GSE1: variants seen among roughly 807,000 people sequenced by gnomAD.
The protein encoded by GSE1 is Gse1 coiled-coil protein.
GSE1 carries 32 observed loss-of-function variants against 112.6 expected under a neutral mutation model. The observed-to-expected ratio is 0.28, with a 90% CI of 0.21 to 0.38. The LOEUF is 0.38. GSE1 is among the 10% of genes least tolerant of loss of function. The probability of loss-of-function intolerance (pLI) is 1.00; values close to 1 mark genes in which losing one functional copy is unlikely to be tolerated. For synonymous variants in GSE1, 1,115 were observed against 735.6 expected (o/e 1.52, Z -8.35); for missense variants, 2,348 against 1,699.2 (o/e 1.38, Z -6.71).
At chr16:85,273,194 G>A (rs928659417) in intron 1 of GSE1, among the ~76,000 whole-genome samples, 5 of 152,256 alleles carry the variant, frequency 3.3e-5, no homozygotes, top group African/African-American at 7.2e-5. Context: ...CCGGGCCCTG[G>A]TGTCCCCATC....
chr16:85,217,776 C>T (rs1196982707), intron 1 of GSE1, among the ~76,000 whole-genome samples: 1 of 152,186 alleles, frequency 6.6e-6, no homozygotes, highest in East Asian at 1.9e-4. Flanking sequence ...TTCCCTGCTG[C>T]ATCCTCCCCG....
At chr16:85,586,148 A>C (rs1261068737) in intron 1 of GSE1, among the ~76,000 whole-genome samples, 3 of 151,914 alleles carry the variant, frequency 2.0e-5, no homozygotes, top group Non-Finnish European at 4.4e-5. Context: ...CTGTGTCCAG[A>C]TTTCCCCTTG....
At chr16:85,590,423 C>T (rs2046949280) in intron 1 of GSE1, among the ~76,000 whole-genome samples, 1 of 147,430 alleles carries the variant, frequency 6.8e-6, no homozygotes, top group Non-Finnish European at 1.5e-5. Flanking sequence ...ACATGTGGGC[C>T]CGCGTGTGAA....
intron 1 of GSE1, among the ~76,000 whole-genome samples, chr16:85,323,440 G>A (rs1224527686): frequency 6.6e-6 from 1 of 152,138 alleles, no homozygotes; most frequent in Non-Finnish European, 1.5e-5. Flanking sequence ...GCCAAGGTGA[G>A]CTGAATTCTG....
intron 1 of GSE1, among the ~76,000 whole-genome samples, chr16:85,304,921 C>G (rs2045635735): frequency 1.3e-5 from 2 of 152,218 alleles, no homozygotes; most frequent in African/African-American, 4.8e-5. Context: ...GATAGCCCAG[C>G]ACTGAGTGAC....
intron 1 of GSE1, among the ~76,000 whole-genome samples, chr16:85,245,432 C>A (rs1242259679): frequency 6.6e-6 from 1 of 152,152 alleles, no homozygotes; most frequent in African/African-American, 2.4e-5. Flanking sequence ...AGGGGCAGAG[C>A]CTCTGCCTGA....
chr16:85,600,115 C>T (rs2047398424), intron 1 of GSE1, among the ~76,000 whole-genome samples: 1 of 152,220 alleles, frequency 6.6e-6, no homozygotes, highest in Non-Finnish European at 1.5e-5. Flanking sequence ...ACACGGGGTC[C>T]TTCCTCTTCC....
intron 2 of GSE1, among the ~76,000 whole-genome samples, chr16:85,484,619 G>T (rs1207011722): frequency 6.6e-6 from 1 of 152,116 alleles, no homozygotes; most frequent in Non-Finnish European, 1.5e-5. Context: ...CAGCTTACGT[G>T]TCTCCTGAGG....
intron 1 of GSE1, among the ~76,000 whole-genome samples, chr16:85,605,108 C>CAA (rs2047644740): frequency 6.6e-6 from 1 of 151,412 alleles, no homozygotes; most frequent in Non-Finnish European, 1.5e-5. Flanking sequence ...TGAGCCACTG[C>CAA]GCCTGGTCTG....
chr16:85,624,328 G>C (rs371602321), intron 1 of GSE1, among the ~76,000 whole-genome samples: 6 of 152,206 alleles, frequency 3.9e-5, no homozygotes, highest in East Asian at 1.9e-4. Context: ...AGCCTGGTCA[G>C]CTCTGGTGCC....
chr16:85,664,385 C>T (rs981048138), intron 11 of GSE1, among the ~76,000 whole-genome samples: 4 of 150,962 alleles, frequency 2.6e-5, no homozygotes, highest in South Asian at 4.2e-4. Flanking sequence ...TTTACTTTCT[C>T]CTTTTAACCA....
intron 2 of GSE1, among the ~76,000 whole-genome samples, chr16:85,360,445 C>T (rs574928842): frequency 3.9e-5 from 6 of 152,308 alleles, no homozygotes; most frequent in African/African-American, 9.6e-5. Flanking sequence ...CAGCCAAGTC[C>T]GGGCAGCTCC....
intron 1 of GSE1, among the ~76,000 whole-genome samples, chr16:85,212,128 G>A (rs112339844): frequency 0.022 from 3,363 of 152,316 alleles, 105 homozygotes; most frequent in African/African-American, 0.068. Context: ...GCTAGAAGCC[G>A]GGCGCGGTGG....
intron 1 of GSE1, among the ~76,000 whole-genome samples, chr16:85,210,558 C>T (rs1394512287): frequency 2.0e-5 from 3 of 152,200 alleles, no homozygotes; most frequent in East Asian, 3.9e-4. Flanking sequence ...CACTGTGCTC[C>T]AGCCTGGGCA....
At chr16:85,281,369 C>G (rs2044853532) in intron 1 of GSE1, among the ~76,000 whole-genome samples, 1 of 151,956 alleles carries the variant, frequency 6.6e-6, no homozygotes, top group East Asian at 1.9e-4. Flanking sequence ...CAGCTCCAAG[C>G]AGTTCCAGGC....
chr16:85,330,785 C>T (rs765928904), intron 1 of GSE1, among the ~76,000 whole-genome samples: 12 of 152,270 alleles, frequency 7.9e-5, no homozygotes, highest in Non-Finnish European at 1.8e-4. Context: ...AGTGGCCAAG[C>T]ATGAGCCCTT....
chr16:85,670,934 A>C (rs1160419750), intron 14 of GSE1, 61 bp from the exon 15 acceptor site: 7 of 1,040,494 alleles, frequency 6.7e-6, no homozygotes, highest in African/African-American at 4.7e-5. Context: ...AGAGGAGAGC[A>C]CAAAGCGGGC....
chr16:85,240,655 T>C (rs1348011606), intron 1 of GSE1, among the ~76,000 whole-genome samples: 1 of 152,216 alleles, frequency 6.6e-6, no homozygotes, highest in Non-Finnish European at 1.5e-5. Context: ...CATGAAGAGC[T>C]GGAGCCTGGG....
intron 2 of GSE1, chr16:85,490,422 G>A (rs1334381813): frequency 6.6e-6 from 1 of 152,352 alleles, no homozygotes; most frequent in Non-Finnish European, 1.5e-5. Context: ...CCGCAGAAGC[G>A]CCCATTCCTG....
Sources: allele counts gnomAD v4.1 joint callset (sites outside exome capture counted in the v4.1 genomes callset), GRCh38; gene constraint gnomAD v4.1.1; transcripts MANE v1.5; gene names NCBI Gene and HGNC (gene_info 2026-07-23, HGNC 2026-07-21).